Variants in DPYD observed in about 807,000 individuals in gnomAD.
DPYD encodes dihydropyrimidine dehydrogenase, also known as dihydropyrimidine dehydrogenase [NADP(+)].
DPYD carries 109 observed loss-of-function variants against 116.2 expected under a neutral mutation model. That is an observed-to-expected ratio of 0.94 (90% confidence interval 0.80 to 1.10). The LOEUF (loss-of-function observed/expected upper bound fraction) is 1.10. DPYD is among the 50% of genes least tolerant of loss of function. The probability of loss-of-function intolerance (pLI) is 0.00; values close to 1 mark genes in which losing one functional copy is unlikely to be tolerated. For synonymous variants in DPYD, 440 were observed against 432.0 expected (o/e 1.02, Z -0.23); for missense variants, 1,302 against 1,254.5 (o/e 1.04, Z -0.57).
At chr1:97,905,566 G>T (rs1195284266) in intron 1 of DPYD, among the ~76,000 whole-genome samples, 2 of 151,934 alleles carry the variant, frequency 1.3e-5, no homozygotes, top group Non-Finnish European at 2.9e-5. Context: ...CCTGTCAGCT[G>T]CCAAAGTGGC....
At chr1:97,717,309 TA>T (rs903665385) in intron 5 of DPYD, among the ~76,000 whole-genome samples, 24 of 151,850 alleles carry the variant, frequency 1.6e-4, no homozygotes, top group South Asian at 4.2e-4. Flanking sequence ...AAAAGTAAAA[TA>T]AAAAAAATGT....
chr1:97,897,313 C>T (rs892785500), intron 1 of DPYD, among the ~76,000 whole-genome samples: 8 of 151,922 alleles, frequency 5.3e-5, no homozygotes, highest in East Asian at 1.9e-4. Flanking sequence ...TTCCTCTAGC[C>T]GCTCTGAAGA....
At chr1:97,789,671 G>A (rs1176761850) in intron 3 of DPYD, among the ~76,000 whole-genome samples, 1 of 151,970 alleles carries the variant, frequency 6.6e-6, no homozygotes, top group Non-Finnish European at 1.5e-5. Context: ...ATGACCTCAT[G>A]CTGGCCTAAG....
chr1:97,262,901 T>C (rs1663982196), intron 18 of DPYD, among the ~76,000 whole-genome samples: 1 of 152,078 alleles, frequency 6.6e-6, no homozygotes, highest in East Asian at 1.9e-4. Flanking sequence ...TCCACAATTC[T>C]AGCATTTAAG....
At chr1:97,789,981 T>C (rs561612282) in intron 3 of DPYD, among the ~76,000 whole-genome samples, 1 of 152,098 alleles carries the variant, frequency 6.6e-6, no homozygotes, top group Admixed American at 6.6e-5. Context: ...GGGAGAAATA[T>C]CAAGTTAAAG....
At chr1:97,712,922 A>T (rs1396341082) in intron 5 of DPYD, among the ~76,000 whole-genome samples, 2 of 152,070 alleles carry the variant, frequency 1.3e-5, no homozygotes, top group African/African-American at 4.8e-5. Flanking sequence ...CTACCATGCA[A>T]GATGTTTTTG....
intron 16 of DPYD, among the ~76,000 whole-genome samples, chr1:97,315,541 C>T (rs1667780525): frequency 6.6e-6 from 1 of 151,922 alleles, no homozygotes; most frequent in Non-Finnish European, 1.5e-5. Context: ...GTGTCTGATT[C>T]CTGGAGGACT....
intron 11 of DPYD, among the ~76,000 whole-genome samples, chr1:97,559,316 T>A (rs1383533752): frequency 1.3e-5 from 2 of 152,164 alleles, no homozygotes; most frequent in African/African-American, 4.8e-5. Context: ...TAGTAAATTA[T>A]ACTACTTGTG....
intron 14 of DPYD, among the ~76,000 whole-genome samples, chr1:97,416,372 G>T (rs528776819): frequency 6.6e-6 from 1 of 152,306 alleles, no homozygotes; most frequent in African/African-American, 2.4e-5. Context: ...AATGTATCCA[G>T]TGACTGTGTA....
chr1:97,447,542 G>A (rs952916150), intron 14 of DPYD, among the ~76,000 whole-genome samples: 1 of 152,192 alleles, frequency 6.6e-6, no homozygotes, highest in Non-Finnish European at 1.5e-5. Context: ...TACAGAAAAA[G>A]AATGATGTGT....
At chr1:97,851,803 G>C (rs1571468725) in intron 2 of DPYD, among the ~76,000 whole-genome samples, 1 of 151,676 alleles carries the variant, frequency 6.6e-6, no homozygotes, top group Admixed American at 6.6e-5. Flanking sequence ...AGGATTTTCT[G>C]TCTACATTTG....
At chr1:97,532,869 A>T in intron 12 of DPYD, among the ~76,000 whole-genome samples, 1 of 144,348 alleles carries the variant, frequency 6.9e-6, no homozygotes, top group Non-Finnish European at 1.5e-5. Context: ...TCCTGCTCTA[A>T]TCTTTATTAT....
chr1:97,551,061 C>T (rs1651284931), intron 11 of DPYD, among the ~76,000 whole-genome samples: 1 of 152,098 alleles, frequency 6.6e-6, no homozygotes, highest in South Asian at 2.1e-4. Flanking sequence ...ACAGAGCACA[C>T]TACAGTTTTT....
chr1:97,567,829 G>A (rs1652632612), intron 11 of DPYD, among the ~76,000 whole-genome samples: 1 of 151,856 alleles, frequency 6.6e-6, no homozygotes, highest in Non-Finnish European at 1.5e-5. Flanking sequence ...TTAAAAATAT[G>A]TGCTTTTTAC....
chr1:97,598,639 C>T (rs150283229), intron 8 of DPYD, among the ~76,000 whole-genome samples: 4 of 150,894 alleles, frequency 2.7e-5, no homozygotes, highest in South Asian at 4.2e-4. Flanking sequence ...GAGGGAGGAA[C>T]GAAGGAAGGA....
chr1:97,135,493 A>T (rs1291053735), intron 20 of DPYD, among the ~76,000 whole-genome samples: 2 of 152,178 alleles, frequency 1.3e-5, no homozygotes, highest in Non-Finnish European at 2.9e-5. Flanking sequence ...TTTCCCATAC[A>T]AGCACTTCTT....
chr1:97,467,987 T>A (rs1677424763), intron 13 of DPYD, among the ~76,000 whole-genome samples: 2 of 152,146 alleles, frequency 1.3e-5, no homozygotes, highest in Admixed American at 6.6e-5. Context: ...GAGCAGGGGT[T>A]GACAAACTCC....
intron 16 of DPYD, among the ~76,000 whole-genome samples, chr1:97,351,100 C>G (rs1345749198): frequency 6.6e-6 from 1 of 152,144 alleles, no homozygotes; most frequent in Non-Finnish European, 1.5e-5. Context: ...TCCCCGTTAT[C>G]ACATTTGCTT....
At chr1:97,539,257 A>ATT (rs35589952) in intron 12 of DPYD, among the ~76,000 whole-genome samples, 2 of 151,904 alleles carry the variant, frequency 1.3e-5, no homozygotes, top group African/African-American at 4.8e-5. Context: ...ATGTACTCAA[A>ATT]TTTTTTTTAA....
Sources: gnomAD v4.1 joint callset for allele counts (sites outside exome capture counted in the v4.1 genomes callset) on GRCh38, gnomAD v4.1.1 for gene constraint, MANE v1.5 for transcripts, NCBI Gene and HGNC (gene_info 2026-07-23, HGNC 2026-07-21) for gene names.